The following MYO15A variants were observed in gnomAD, a reference collection of about 807,000 sequenced individuals.
The protein encoded by MYO15A is unconventional myosin-XV.
MYO15A carries 308 observed loss-of-function variants against 394.6 expected under a neutral mutation model. The ratio of observed to expected loss-of-function variants is 0.78; its 90% confidence interval spans 0.71 to 0.86. The LOEUF (loss-of-function observed/expected upper bound fraction) is 0.86, where lower values mean the gene tolerates loss of function less well. MYO15A is among the 40% of genes least tolerant of loss of function. MYO15A has a pLI of 0.00. For synonymous variants in MYO15A, 1,957 were observed against 2,003.8 expected (o/e 0.98, Z 0.62); for missense variants, 4,606 against 4,799.1 (o/e 0.96, Z 1.19).
intron 60 of MYO15A, among the ~76,000 whole-genome samples, chr17:18,165,669 T>C (rs2046842874): frequency 6.6e-6 from 1 of 152,256 alleles, no homozygotes; most frequent in Admixed American, 6.5e-5. Flanking sequence ...TCATAAGTTC[T>C]AGGGATTAGG....
intron 2 of MYO15A, 81 bp from the exon 3 acceptor site, chr17:18,124,402 C>G: frequency 2.8e-6 from 4 of 1,454,088 alleles, no homozygotes; most frequent in Non-Finnish European, 2.8e-6. Flanking sequence ...GGTAGCAGGC[C>G]CCAGGTATGA....
chr17:18,140,407 T>G (rs1226212831), intron 19 of MYO15A, 110 bp from the exon 20 acceptor site: 1 of 1,454,956 alleles, frequency 6.9e-7, no homozygotes, highest in Non-Finnish European at 9.5e-7. Context: ...AGGGGTCCAG[T>G]TAGTCTTCAG....
rs79957853 is a variant in MYO15A, at chr17:18,172,312, C to G, written c.10350+22C>G. On this transcript the variant is annotated intron_variant, in intron 64 of 65. Transcript: ENST00000647165. Reference sequence around the variant, plus strand: ...TCATGTGAGTGGCCTCAGCCTGGCACTGCCATCGCCACCCTCTGTTCCCTG... The same window carrying G: ...TCATGTGAGTGGCCTCAGCCTGGCAGTGCCATCGCCACCCTCTGTTCCCTG... 6,744 of 1,614,174 alleles carry G rather than the reference C, an allele frequency of 4.2e-3. 34 individuals carry two copies. Among genetic ancestry groups the G allele is most frequent in the African/African-American group, 0.019 (1,411 of 75,062 alleles).
rs1324826706 is a variant in MYO15A at position 18,137,687 on chromosome 17, G to T, written c.4875+8G>T. The T allele has an allele frequency of 6.2e-7, 1 of 1,613,460 alleles. No homozygotes were observed. Among genetic ancestry groups the T allele is most frequent in the East Asian group, 2.2e-5 (1 of 44,876 alleles). ...GTCTTCCAGGAGGAGCAGGTGTGTG[G>T]GCCCCATTAATACTCCTGTCCCTGT... is the stretch of plus-strand genomic sequence containing the variant. On this transcript the variant is annotated splice_region_variant and intron_variant, in intron 16 of 65. Coordinates refer to ENST00000647165, the MANE Select transcript of MYO15A (RefSeq NM_016239.4).
chr17:18,159,494 C>T (rs1814181011), intron 54 of MYO15A, 112 bp from the exon 55 acceptor site: 2 of 1,488,530 alleles, frequency 1.3e-6, no homozygotes, highest in Non-Finnish European at 1.9e-6. Context: ...AATAGAAGCT[C>T]CCAGCTGCCT....
Position 18,157,029 on chromosome 17 carries a change from A to G in MYO15A, c.8677A>G (p.Ile2893Val). The change falls in exon 49 of 66, where the codon ATC becomes GTC. Residue 2893 changes from isoleucine to valine, a missense_variant. By Grantham distance (29) the Ile-to-Val change is conservative. Coordinates refer to ENST00000647165, the MANE Select transcript of MYO15A (RefSeq NM_016239.4). ...GCTGCTGGCTTTCCACAAGGGTGAC[A>G]TCATACACCTGCAGCCCCTAGAGCC... ...PALLAFHKGD[I>V]IHLQPLEPPR... 1.2e-6 allele frequency: 2 copies of G among 1,614,136 alleles called. No individual in the cohort carries two copies. Among genetic ancestry groups the G allele is most frequent in the Non-Finnish European group, 1.7e-6 (2 of 1,180,022 alleles).
chr17:18,172,485 C>A, intron 64 of MYO15A, 195 bp downstream of exon 64: 1 of 828,296 alleles, frequency 1.2e-6, no homozygotes, highest in Non-Finnish European at 2.0e-6. Context: ...TTGAGCCCCA[C>A]CCATAGGGCT....
intron 60 of MYO15A, chr17:18,164,040 C>A: frequency 1.6e-6 from 1 of 626,990 alleles, no homozygotes. Flanking sequence ...GCTTAGTTTG[C>A]CTCACCTTAT....
In MYO15A at chr17:18,157,859, G is replaced by A. The variant is rs995059398; in HGVS notation, c.8926G>A (p.Ala2976Thr). Reference sequence around the variant, plus strand: ...AGCAGCCGCCGTGGCCGCTGCTGTGGCCTCTGCAGCCGCTGCACAGGAGGT... The same window carrying A: ...AGCAGCCGCCGTGGCCGCTGCTGTGACCTCTGCAGCCGCTGCACAGGAGGT... Reference protein sequence around the residue: ...GRAAAVAAAVASAAAAQEVGR... With the variant: ...GRAAAVAAAVTSAAAAQEVGR... The change falls in exon 51 of 66, where the codon GCC (alanine) becomes ACC (threonine). Residue 2976 changes from alanine to threonine, a missense_variant. Transcript: ENST00000647165. The A allele has an allele frequency of 2.1e-6, 3 of 1,442,312 alleles. No individual in the cohort carries two copies. The highest frequency in any genetic ancestry group is 2.8e-6 in the Non-Finnish European group (3 of 1,085,500). 89.3% of individuals were successfully genotyped at this position (1,442,312 alleles called of 1,614,324 possible).
chr17:18,151,640 G>A (rs2046584721), intron 40 of MYO15A, 113 bp downstream of exon 40: 4 of 1,434,856 alleles, frequency 2.8e-6, no homozygotes, highest in Non-Finnish European at 3.9e-6. Context: ...GTTAGGGAGG[G>A]AGTTTCTTTA....
intron 60 of MYO15A, among the ~76,000 whole-genome samples, chr17:18,165,363 G>A (rs903869159): frequency 9.9e-5 from 15 of 152,196 alleles, no homozygotes; most frequent in African/African-American, 3.6e-4. Flanking sequence ...AAGCTCTAGG[G>A]AATAATTTGT....
chr17:18,152,337 C>T lies in MYO15A; in HGVS notation c.7966+153C>T, dbSNP rs541965141. 6.6e-5 allele frequency among the ~76,000 whole-genome samples: 10 copies of T among 152,288 alleles called. No individual in the cohort carries two copies. The East Asian group carries it at 1.9e-3, about 29-fold the overall frequency. On this transcript the variant is annotated intron_variant, in intron 42 of 65. Transcript: ENST00000647165. ...CATTGGTGTAATTATAATGTCAATA[C>T]TTAAGTAGCACAGATCTCAGGCCAG...
intron 11 of MYO15A, 113 bp from the exon 12 acceptor site, chr17:18,133,112 C>T: frequency 9.2e-7 from 1 of 1,085,514 alleles, no homozygotes; most frequent in Non-Finnish European, 1.4e-6. Flanking sequence ...AGTGAAATGA[C>T]AGCTTGAGTG....
At chr17:18,171,194 C>A (rs992917897) in intron 62 of MYO15A, among the ~76,000 whole-genome samples, 2 of 152,220 alleles carry the variant, frequency 1.3e-5, no homozygotes, top group Non-Finnish European at 2.9e-5. Context: ...GGAGGCCCAG[C>A]ACTCCTCTGC....
In MYO15A at chr17:18,150,402, G is replaced by A. The variant is rs541728316; in HGVS notation, c.7213-27G>A. 8.7e-6 allele frequency: 14 copies of A among 1,600,472 alleles called. No individual in the cohort carries two copies. The South Asian group carries it at 1.2e-4, about 14-fold the overall frequency. ...ACCTTGGGAGTACAATAATGAGATG[G>A]TCACTTGAGCCACCCACTGCCCCCA... On this transcript the variant is annotated intron_variant, in intron 35 of 65. Coordinates refer to ENST00000647165, the MANE Select transcript of MYO15A (RefSeq NM_016239.4). The surrounding 1 kb of genome is among the most constrained non-coding windows in gnomAD (Gnocchi z 4.4).
At position 18,141,658 on chromosome 17, in the gene MYO15A, G is replaced by A; in HGVS notation, c.5537G>A (p.Cys1846Tyr). ...LPFQGFIDRY[C>Y]CLVALKHDLP... The stretch of plus-strand genomic sequence containing the variant: ...AACTTTGGGCCCCCTACCAGGTACT[G>A]CTGTCTAGTGGCCCTCAAGCATGAC... The change falls in exon 23 of 66, where the codon TGC becomes TAC. Residue 1846 changes from cysteine to tyrosine, a missense_variant. Cys to Tyr is a radical substitution (Grantham distance 194). This residue lies in a region of MYO15A where 2,776 missense variants were observed against 3,109.3 expected (regional missense o/e 0.89). Transcript: ENST00000647165. 6.2e-7 allele frequency: 1 copy of A among 1,613,930 alleles called. No homozygotes were observed. The highest frequency in any genetic ancestry group is 8.5e-7 in the Non-Finnish European group (1 of 1,179,932).
chr17:18,165,001 T>C (rs1000138340), intron 60 of MYO15A: 3 of 149,024 alleles, frequency 2.0e-5, no homozygotes, highest in African/African-American at 7.5e-5. Context: ...TAGCCAGGCA[T>C]GGTGACGTTT....
At position 18,145,952 on chromosome 17, in the gene MYO15A, G is replaced by A. The variant is rs1454525498; in HGVS notation, c.6354G>A (p.Leu2118=). Residue 2118 remains leucine (L), a synonymous_variant, in exon 30 of 66, where the codon CTG becomes CTA. Transcript: ENST00000647165. ...GGAACTACATCGTGCAGAAGGGGCT[G>A]GCGGTGCCTGAGCTGCGGGATGAGA... ...IFGNYIVQKG[L]AVPELRDEIL... The A allele has an allele frequency of 1.9e-6, 3 of 1,613,824 alleles. No individual in the cohort carries two copies. Among genetic ancestry groups the A allele is most frequent in the Non-Finnish European group, 1.7e-6 (2 of 1,180,022 alleles).
In MYO15A at chr17:18,158,959, G is replaced by A. The variant is rs2046732555; in HGVS notation, c.9118G>A (p.Glu3040Lys). ...CAGGCTGAAATCCAAGGAGCCTCGG[G>A]AGTCCAGAACCTTGGAGGACATGCT... The part of the protein sequence containing the change: ...GLRLKSKEPR[E>K]SRTLEDMLCF... The change falls in exon 53 of 66, where the codon GAG becomes AAG. Residue 3040 changes from glutamate to lysine, a missense_variant. By Grantham distance (56) the Glu-to-Lys change is moderately conservative (BLOSUM62 1). This residue lies in a region of MYO15A where 2,776 missense variants were observed against 3,109.3 expected (regional missense o/e 0.89). Coordinates refer to ENST00000647165, the MANE Select transcript of MYO15A (RefSeq NM_016239.4). 6.2e-7 allele frequency: 1 copy of A among 1,613,964 alleles called. No homozygotes were observed. Among genetic ancestry groups the A allele is most frequent in the South Asian group, 1.1e-5 (1 of 91,086 alleles).
Sources: allele counts gnomAD v4.1 joint callset (sites outside exome capture counted in the v4.1 genomes callset), GRCh38; gene constraint gnomAD v4.1.1; regional missense constraint gnomAD v4.1.1; non-coding constraint Gnocchi (gnomAD v3.1); transcripts MANE v1.5; gene names NCBI Gene and HGNC (gene_info 2026-07-23, HGNC 2026-07-21).